SLC45A4: variants seen among roughly 807,000 people sequenced by gnomAD.
SLC45A4 encodes the protein solute carrier family 45 member 4.
Under a neutral mutation model 63.7 loss-of-function variants are expected in SLC45A4, and 32 were observed. That is an observed-to-expected ratio of 0.50 (90% CI 0.38 to 0.67). The LOEUF (loss-of-function observed/expected upper bound fraction) is 0.67, where lower values mean the gene tolerates loss of function less well. Among genes scored for constraint, SLC45A4 ranks in the 30% least tolerant of loss-of-function variants. The pLI, the probability that SLC45A4 is intolerant of heterozygous loss-of-function variation, is 0.00. For missense variants in SLC45A4, 1,027 were observed against 1,157.7 expected (o/e 0.89, Z 1.64); for synonymous variants, 535 against 510.0 (o/e 1.05, Z -0.66).
intron 1 of SLC45A4, among the ~76,000 whole-genome samples, chr8:141,305,806 C>T (rs911507877): frequency 6.6e-6 from 1 of 152,222 alleles, no homozygotes; most frequent in African/African-American, 2.4e-5. Flanking sequence ...CCACCTCTCT[C>T]CTGACAACAC....
chr8:141,218,471 G>A lies in SLC45A4; in HGVS notation c.1169C>T (p.Pro390Leu). Residue 390 changes from proline to leucine, a missense_variant, in exon 5 of 9, where the codon CCC becomes CTC. Transcript: ENST00000517878. Reference sequence around the variant, plus strand: ...GTAGCCGCCGAGGGCGTCTTTTGTGGGGGAGCCACTTCCGTTTGGGACTTT... The same window carrying A: ...GTAGCCGCCGAGGGCGTCTTTTGTGAGGGAGCCACTTCCGTTTGGGACTTT... Reference protein sequence around the residue: ...EAKVPNGSGSPTKDALGGYTR... With the variant: ...EAKVPNGSGSLTKDALGGYTR... 1 of 1,613,168 alleles carries A rather than the reference G, an allele frequency of 6.2e-7. No individual in the cohort carries two copies. The highest frequency in any genetic ancestry group is 1.1e-5 in the South Asian group (1 of 91,092).
chr8:141,254,319 T>C lies in SLC45A4; in HGVS notation c.-90A>G. On this transcript the variant is annotated 5_prime_UTR_variant, in exon 2 of 9. Transcript: ENST00000517878. This position sits in a 1 kb window ranked among gnomAD's most constrained non-coding sequence, Gnocchi z 4.5. ...TGTAATGATAAATTAAGACGTCTTC[T>C]CTTTCTGCTTCTGCTGTGTTCCTCG... is the stretch of plus-strand genomic sequence containing the variant. The C allele has an allele frequency of 7.4e-7, 1 of 1,344,384 alleles. No individual in the cohort carries two copies. The highest frequency in any genetic ancestry group is 9.8e-7 in the Non-Finnish European group (1 of 1,016,102). 83.3% of individuals were successfully genotyped at this position (1,344,384 alleles called of 1,614,324 possible). A position where few individuals can be genotyped will look rare whatever the true frequency, so the allele number is the denominator to read the frequency against.
At chr8:141,235,019 G>A (rs1286372638) in intron 2 of SLC45A4, among the ~76,000 whole-genome samples, 1 of 152,236 alleles carries the variant, frequency 6.6e-6, no homozygotes, top group Non-Finnish European at 1.5e-5. Flanking sequence ...AAGGCACTCT[G>A]CAAACCGAAA....
Position 141,254,380 on chromosome 8 carries a change from GCTAT to G in SLC45A4, c.-155_-152del. On this transcript the variant is annotated 5_prime_UTR_variant, in exon 2 of 9. It introduces an in-frame stop codon into an upstream open reading frame of the 5' UTR. Coordinates refer to ENST00000517878, the MANE Select transcript of SLC45A4 (RefSeq NM_001286646.2). This position sits in a 1 kb window ranked among gnomAD's most constrained non-coding sequence, Gnocchi z 4.5. ...ACTTACATTCCTCTTTGCACAAGTGGCTATCTCACAACTTCTCACAACGGTATGA... is the reference window on the plus strand; with the variant it reads ...ACTTACATTCCTCTTTGCACAAGTGGCTCACAACTTCTCACAACGGTATGA... 1 of 914,906 alleles carries G rather than the reference GCTAT, an allele frequency of 1.1e-6. No individual in the cohort carries two copies. Among genetic ancestry groups the G allele is most frequent in the Non-Finnish European group, 1.6e-6 (1 of 620,634 alleles). The allele number at this position is 914,906 out of a possible 1,614,324, so 56.7% of individuals were successfully genotyped here.
rs544291847 is a variant in SLC45A4 at position 141,229,508 on chromosome 8, C to T, written c.242-7743G>A. Among the ~76,000 whole-genome samples, 14 of 152,264 alleles carry T rather than the reference C, an allele frequency of 9.2e-5. No homozygotes were observed. Among genetic ancestry groups the T allele is most frequent in the African/African-American group, 3.4e-4 (14 of 41,542 alleles). ...GCCTTCCCCGGGTAGGGGCAGCTCCCCTGGTGTCCAGGCACTCCCTTGTCA... is the reference window on the plus strand; with the variant it reads ...GCCTTCCCCGGGTAGGGGCAGCTCCTCTGGTGTCCAGGCACTCCCTTGTCA... On this transcript the variant is annotated intron_variant, in intron 2 of 8. Coordinates refer to ENST00000517878, the MANE Select transcript of SLC45A4 (RefSeq NM_001286646.2). This position sits in a 1 kb window ranked among gnomAD's most constrained non-coding sequence, Gnocchi z 5.0.
At chr8:141,241,512 A>G (rs374262964) in intron 2 of SLC45A4, among the ~76,000 whole-genome samples, 10 of 152,360 alleles carry the variant, frequency 6.6e-5, no homozygotes, top group African/African-American at 2.4e-4. Flanking sequence ...TGTCCATTTA[A>G]GAAAGTAGAA....
intron 1 of SLC45A4, among the ~76,000 whole-genome samples, chr8:141,298,840 G>A (rs190499853): frequency 3.9e-5 from 6 of 152,118 alleles, no homozygotes; most frequent in Admixed American, 6.5e-5. Flanking sequence ...CCTCAAAGTC[G>A]AATCCAAGGC....
rs780380066 is a variant in SLC45A4 at position 141,219,633 on chromosome 8, T to C, written c.610+17A>G. 1 of 1,591,410 alleles carries C rather than the reference T, an allele frequency of 6.3e-7. No homozygotes were observed. The highest frequency in any genetic ancestry group is 1.1e-5 in the South Asian group (1 of 88,564). ...ACGTTGGAACCCGGCCACCCAGCCT[T>C]GGTGCGGCAGCGTTACCGGCAGAGA... On this transcript the variant is annotated intron_variant, in intron 4 of 8. Coordinates refer to ENST00000517878, the MANE Select transcript of SLC45A4 (RefSeq NM_001286646.2).
chr8:141,286,401 A>C (rs915145592), intron 1 of SLC45A4, among the ~76,000 whole-genome samples: 4 of 152,204 alleles, frequency 2.6e-5, no homozygotes, highest in Non-Finnish European at 5.9e-5. Context: ...TTACAAGCAG[A>C]GCCAGGTAAG....
intron 2 of SLC45A4, among the ~76,000 whole-genome samples, chr8:141,237,419 C>A (rs1224112401): frequency 6.6e-6 from 1 of 152,168 alleles, no homozygotes; most frequent in East Asian, 1.9e-4. Context: ...GCTTCACTGA[C>A]CCCTAGTGAC....
In SLC45A4 at chr8:141,217,082, G is replaced by C; in HGVS notation, c.1729+8C>G. 6.2e-7 allele frequency: 1 copy of C among 1,613,634 alleles called. No individual in the cohort carries two copies. The highest frequency in any genetic ancestry group is 8.5e-7 in the Non-Finnish European group (1 of 1,179,838). On this transcript the variant is annotated splice_region_variant and intron_variant, in intron 6 of 8. Coordinates refer to ENST00000517878, the MANE Select transcript of SLC45A4 (RefSeq NM_001286646.2). ...TGCGAGTGCTGACCTGACTTGGGGA[G>C]CTCTTACCTGAACAAATAGCACCAG...
chr8:141,258,622 C>G (rs1032584626), intron 1 of SLC45A4, among the ~76,000 whole-genome samples: 7 of 152,216 alleles, frequency 4.6e-5, no homozygotes, highest in Admixed American at 1.3e-4. Context: ...GTGGTGCACA[C>G]CTGTGATCCC....
chr8:141,301,734 C>CAAAAAAAAAAAAAAAAA lies in SLC45A4; in HGVS notation c.-401+6345_-401+6361dup. On this transcript the variant is annotated intron_variant, in intron 1 of 8. Transcript: ENST00000517878. ...TGGGGGACAGAATGAGACCCTATCT[C>CAAAAAAAAAAAAAAAAA]AAAAAAAAAAAAAAAAAAAAAAAAA... 2.7e-3 allele frequency among the ~76,000 whole-genome samples: 107 copies of CAAAAAAAAAAAAAAAAA among 39,580 alleles called. 8 individuals are homozygous for CAAAAAAAAAAAAAAAAA. Among genetic ancestry groups the CAAAAAAAAAAAAAAAAA allele is most frequent in the Non-Finnish European group, 4.1e-3 (82 of 19,946 alleles). 26.0% of individuals were successfully genotyped at this position (39,580 alleles called of 152,430 possible).
chr8:141,258,412 G>T (rs979654741), intron 1 of SLC45A4, among the ~76,000 whole-genome samples: 2 of 152,226 alleles, frequency 1.3e-5, no homozygotes, highest in African/African-American at 4.8e-5. Context: ...GTATTTCTCA[G>T]CACCTTGTTT....
intron 2 of SLC45A4, among the ~76,000 whole-genome samples, chr8:141,245,662 G>A (rs1177485564): frequency 6.6e-6 from 1 of 152,166 alleles, no homozygotes; most frequent in Non-Finnish European, 1.5e-5. Context: ...TGGACTCTTA[G>A]AGCTAGATGG....
In SLC45A4 at chr8:141,218,862, G is replaced by A; in HGVS notation, c.778C>T (p.Pro260Ser). 5.0e-6 allele frequency: 8 copies of A among 1,613,492 alleles called. No individual in the cohort carries two copies. The highest frequency in any genetic ancestry group is 6.8e-6 in the Non-Finnish European group (8 of 1,179,928). The part of the protein sequence containing the change: ...LFSIDEEQYS[P>S]QQERSAEEPG... ...TCCTCAGCGCTGCGCTCCTGCTGCGGGCTGTACTGCTCCTCGTCGATGCTG... is the reference window on the plus strand; with the variant it reads ...TCCTCAGCGCTGCGCTCCTGCTGCGAGCTGTACTGCTCCTCGTCGATGCTG... Residue 260 changes from proline (P) to serine (S), a missense_variant, in exon 5 of 9, where the codon CCG becomes TCG. Transcript: ENST00000517878.
chr8:141,270,990 TGAA>T (rs1205682568), intron 1 of SLC45A4, among the ~76,000 whole-genome samples: 1 of 152,082 alleles, frequency 6.6e-6, no homozygotes, highest in Non-Finnish European at 1.5e-5. Flanking sequence ...AATGAGCAAA[TGAA>T]GCGCCTTGGG....
intron 1 of SLC45A4, among the ~76,000 whole-genome samples, chr8:141,282,991 G>A (rs749096339): frequency 2.0e-5 from 3 of 152,242 alleles, no homozygotes; most frequent in Non-Finnish European, 2.9e-5. Flanking sequence ...GCTGCAGACC[G>A]GCATCCTGCC....
chr8:141,260,797 C>A (rs1215543040), intron 1 of SLC45A4, among the ~76,000 whole-genome samples: 1 of 152,186 alleles, frequency 6.6e-6, no homozygotes, highest in African/African-American at 2.4e-5. Flanking sequence ...ACCAGAGGTA[C>A]AAGGAGGAGC....
Sources: gnomAD v4.1 joint callset for allele counts (sites outside exome capture counted in the v4.1 genomes callset) on GRCh38, gnomAD v4.1.1 for gene constraint, Gnocchi (gnomAD v3.1) non-coding constraint, MANE v1.5 for transcripts, NCBI Gene and HGNC (gene_info 2026-07-23, HGNC 2026-07-21) for gene names.